Variants in GHR observed in about 807,000 individuals in gnomAD.
The protein encoded by GHR is growth hormone receptor, also known as GH receptor.
In GHR, 35 loss-of-function variants were observed where a neutral mutation model predicts 67.1. The ratio of observed to expected loss-of-function variants is 0.52; its 90% CI spans 0.40 to 0.69. The LOEUF (loss-of-function observed/expected upper bound fraction) is 0.69. Ranked by LOEUF, GHR falls within the 30% of genes least tolerant of loss-of-function variation. The probability of loss-of-function intolerance (pLI) is 0.00; values close to 1 mark genes in which losing one functional copy is unlikely to be tolerated. For missense variants in GHR, 792 were observed against 764.6 expected, an observed-to-expected ratio of 1.04 and a Z score of -0.42; for synonymous variants, 272 against 269.1, an observed-to-expected ratio of 1.01 and a Z score of -0.10.
intron 3 of GHR, among the ~76,000 whole-genome samples, 176 bp from the exon 4 acceptor site, chr5:42,688,714 A>G (rs1283527989): frequency 6.6e-6 from 1 of 152,240 alleles, no homozygotes; most frequent in Non-Finnish European, 1.5e-5. Flanking sequence ...AGCAACAGGC[A>G]CTAAAACTAT....
chr5:42,689,686 G>C (rs1005240724), intron 4 of GHR, among the ~76,000 whole-genome samples: 3 of 152,194 alleles, frequency 2.0e-5, no homozygotes, highest in African/African-American at 7.2e-5. Context: ...TTGAAAGTGA[G>C]GAGAGTGATA....
chr5:42,459,668 A>C (rs1436310037), intron 1 of GHR, among the ~76,000 whole-genome samples: 1 of 149,422 alleles, frequency 6.7e-6, no homozygotes. Context: ...TTAAAAGTTA[A>C]AAGAAAAAAA....
chr5:42,662,352 G>A (rs935847202), intron 3 of GHR, among the ~76,000 whole-genome samples: 10 of 152,064 alleles, frequency 6.6e-5, no homozygotes, highest in South Asian at 2.1e-4. Flanking sequence ...CACGTGGTTC[G>A]AAGCAAAGCT....
chr5:42,696,835 G>A (rs186839257), intron 5 of GHR, among the ~76,000 whole-genome samples: 3 of 152,258 alleles, frequency 2.0e-5, no homozygotes, highest in East Asian at 1.9e-4. Context: ...TAATGAAACC[G>A]AGGCACAGAG....
intron 2 of GHR, among the ~76,000 whole-genome samples, chr5:42,595,192 T>C (rs1278620796): frequency 6.6e-6 from 1 of 152,212 alleles, no homozygotes; most frequent in Non-Finnish European, 1.5e-5. Context: ...GAGAATTGCC[T>C]CTGCTGATTT....
At chr5:42,547,690 G>A (rs764611505) in intron 1 of GHR, among the ~76,000 whole-genome samples, 14 of 152,052 alleles carry the variant, frequency 9.2e-5, no homozygotes, top group Non-Finnish European at 2.1e-4. Context: ...GATGAGATGA[G>A]GGGACTAAAT....
rs373401634 is a variant in GHR at position 42,719,206 on chromosome 5, A to T, written c.1699A>T (p.Ile567Phe). ...QPSLNQEDIY[I>F]TTESLTTAAG... The stretch of plus-strand genomic sequence containing the variant: ...AAGCTTAAACCAAGAGGACATTTAC[A>T]TCACCACAGAAAGCCTTACCACTGC... Residue 567 changes from isoleucine (I) to phenylalanine (F), a missense_variant, in exon 10 of 10, where the codon ATC (isoleucine) becomes TTC (phenylalanine). Physicochemically the swap from Ile to Phe is conservative, Grantham distance 21. Transcript: ENST00000230882. The T allele has an allele frequency of 6.9e-5, 111 of 1,614,016 alleles. No homozygotes were observed. Among genetic ancestry groups the T allele is most frequent in the Non-Finnish European group, 8.1e-5 (96 of 1,180,002 alleles).
rs577382742 is a variant in GHR, at chr5:42,474,886, CT to C, written c.-12+50947del. On this transcript the variant is annotated intron_variant, in intron 1 of 9. Transcript: ENST00000230882. Reference sequence around the variant, plus strand: ...ATTTTTTTCTTTTTTTTTTTTTGCCCTTTTTTTTTTTTTTTTAAACAGAGTC... The same window carrying C: ...ATTTTTTTCTTTTTTTTTTTTTGCCCTTTTTTTTTTTTTTTAAACAGAGTC... 6.1e-3 allele frequency among the ~76,000 whole-genome samples: 750 copies of C among 122,160 alleles called. 6 individuals are homozygous for C. Among genetic ancestry groups the C allele is most frequent in the Middle Eastern group, 9.8e-3 (2 of 204 alleles). 80.1% of individuals were successfully genotyped at this position (122,160 alleles called of 152,430 possible). A position where few individuals can be genotyped will look rare whatever the true frequency, so the allele number is the denominator to read the frequency against.
chr5:42,671,435 T>A (rs1756291795), intron 3 of GHR, among the ~76,000 whole-genome samples: 1 of 151,518 alleles, frequency 6.6e-6, no homozygotes, highest in African/African-American at 2.4e-5. Context: ...ACCTCCAACA[T>A]TGGGCATTAT....
chr5:42,673,969 G>C (rs543899819), intron 3 of GHR, among the ~76,000 whole-genome samples: 2 of 152,012 alleles, frequency 1.3e-5, no homozygotes, highest in Non-Finnish European at 2.9e-5. Flanking sequence ...AGTCATCAGC[G>C]TGTTTTTTAA....
intron 1 of GHR, among the ~76,000 whole-genome samples, chr5:42,471,867 T>C (rs920033270): frequency 1.3e-5 from 2 of 152,168 alleles, no homozygotes; most frequent in Non-Finnish European, 2.9e-5. Context: ...TGGAGAACTA[T>C]AGCTCTTAAG....
In GHR at chr5:42,719,542, G is replaced by C. The variant is rs1396015225; in HGVS notation, c.*118G>C. On this transcript the variant is annotated 3_prime_UTR_variant, in exon 10 of 10. Coordinates refer to ENST00000230882, the MANE Select transcript of GHR (RefSeq NM_000163.5). ...TGGGGGAGTGACAGGATGGGGTATG[G>C]ATTCTAAAATGCCTTTTCCCAAAAT... 7.3e-6 allele frequency: 7 copies of C among 959,406 alleles called. No individual in the cohort carries two copies. The highest frequency in any genetic ancestry group is 1.6e-5 in the African/African-American group (1 of 62,452). 59.4% of individuals were successfully genotyped at this position (959,406 alleles called of 1,614,324 possible). A position where few individuals can be genotyped will look rare whatever the true frequency, so the allele number is the denominator to read the frequency against.
chr5:42,693,493 C>G (rs1757518990), intron 4 of GHR, among the ~76,000 whole-genome samples: 1 of 152,072 alleles, frequency 6.6e-6, no homozygotes, highest in South Asian at 2.1e-4. Context: ...TGTCTCAGAC[C>G]CTGGAGTCTC....
chr5:42,613,402 C>T (rs769356171), intron 2 of GHR, among the ~76,000 whole-genome samples: 1 of 152,114 alleles, frequency 6.6e-6, no homozygotes, highest in African/African-American at 2.4e-5. Flanking sequence ...TCTCACAACC[C>T]TTGCCTCTTA....
chr5:42,631,575 G>A (rs905970279), intron 3 of GHR, among the ~76,000 whole-genome samples: 2 of 152,178 alleles, frequency 1.3e-5, no homozygotes, highest in African/African-American at 2.4e-5. Context: ...GTCTTTAGCT[G>A]TGTGCCCTGA....
chr5:42,566,004 G>T, intron 2 of GHR, 60 bp downstream of exon 2: 4 of 1,585,046 alleles, frequency 2.5e-6, no homozygotes, highest in Non-Finnish European at 3.5e-6. Flanking sequence ...AACTGTATTC[G>T]CTACATCCAA....
At chr5:42,480,171 T>C (rs954593616) in intron 1 of GHR, among the ~76,000 whole-genome samples, 2 of 152,226 alleles carry the variant, frequency 1.3e-5, no homozygotes, top group African/African-American at 4.8e-5. Context: ...GAGCAGGTTG[T>C]TCAGTTTCCA....
chr5:42,618,432 T>C (rs1411319463), intron 2 of GHR, among the ~76,000 whole-genome samples: 1 of 152,044 alleles, frequency 6.6e-6, no homozygotes, highest in Non-Finnish European at 1.5e-5. Context: ...TAAAAAGAGA[T>C]TGTTAGAATA....
chr5:42,493,258 T>C (rs1334585421), intron 1 of GHR, among the ~76,000 whole-genome samples: 1 of 152,176 alleles, frequency 6.6e-6, no homozygotes, highest in Non-Finnish European at 1.5e-5. Flanking sequence ...AGAATAAAGC[T>C]GGGATTTCTG....
Sources: gnomAD v4.1 joint callset for allele counts (sites outside exome capture counted in the v4.1 genomes callset) on GRCh38, gnomAD v4.1.1 for gene constraint, MANE v1.5 for transcripts, NCBI Gene and HGNC (gene_info 2026-07-23, HGNC 2026-07-21) for gene names.